KLF12: variants seen among roughly 807,000 people sequenced by gnomAD.
KLF12 encodes the protein KLF transcription factor 12, also known as Krueppel-like factor 12.
Under a neutral mutation model 37.8 loss-of-function variants are expected in KLF12, and 9 were observed. The ratio of observed to expected loss-of-function variants is 0.24; its 90% CI spans 0.14 to 0.42. KLF12 has a LOEUF of 0.42. Ranked by LOEUF, KLF12 falls within the 10% of genes least tolerant of loss-of-function variation. KLF12 has a pLI of 1.00. For synonymous variants in KLF12, 208 were observed against 202.1 expected, an observed-to-expected ratio of 1.03 and a Z score of -0.25; for missense variants, 411 against 516.0, an observed-to-expected ratio of 0.80 and a Z score of 1.97.
chr13:74,004,166 G>C (rs535723240), intron 1 of KLF12, among the ~76,000 whole-genome samples: 76 of 152,228 alleles, frequency 5.0e-4, no homozygotes, highest in African/African-American at 1.8e-3. Context: ...AACACATCTT[G>C]TGAGATACAG....
chr13:73,697,556 C>G (rs553008199), intron 7 of KLF12, among the ~76,000 whole-genome samples: 1 of 152,166 alleles, frequency 6.6e-6, no homozygotes, highest in Admixed American at 6.5e-5. Flanking sequence ...ATAGTATTAT[C>G]TACATGCTTT....
intron 1 of KLF12, among the ~76,000 whole-genome samples, chr13:74,107,217 C>T (rs1192630975): frequency 6.6e-6 from 1 of 152,190 alleles, no homozygotes; most frequent in African/African-American, 2.4e-5. Flanking sequence ...CTTTTTAATA[C>T]TATTGCATTG....
intron 3 of KLF12, among the ~76,000 whole-genome samples, chr13:73,880,064 G>A (rs572589550): frequency 3.3e-5 from 5 of 152,200 alleles, no homozygotes; most frequent in Admixed American, 6.5e-5. Context: ...CCTCTGCCTG[G>A]ATAATCCCAC....
intron 1 of KLF12, among the ~76,000 whole-genome samples, chr13:74,058,460 G>C (rs867250491): frequency 7.0e-6 from 1 of 142,148 alleles, no homozygotes; most frequent in Admixed American, 7.4e-5. Context: ...GGTTCACGCC[G>C]TTCTCCTGCC....
intron 1 of KLF12, among the ~76,000 whole-genome samples, chr13:74,058,180 T>C (rs1873358292): frequency 6.6e-6 from 1 of 151,650 alleles, no homozygotes; most frequent in African/African-American, 2.4e-5. Flanking sequence ...TTGGCCAGGC[T>C]GGTCTCAAAC....
At position 73,691,458 on chromosome 13, in the gene KLF12, T is replaced by A. The variant is rs919947404; in HGVS notation, c.*4032A>T. 6.5e-6 allele frequency: 1 copy of A among 152,786 alleles called. No homozygotes were observed. The highest frequency in any genetic ancestry group is 3.4e-3 in the Middle Eastern group (1 of 294). 9.5% of individuals were successfully genotyped at this position (152,786 alleles called of 1,614,324 possible). A position where few individuals can be genotyped will look rare whatever the true frequency, so the allele number is the denominator to read the frequency against. ...CAAAATCTGAGACTGGATTATGAAC[T>A]ATGAATATTAAGGCTTTCTGGGCCT... On this transcript the variant is annotated 3_prime_UTR_variant, in exon 8 of 8. Coordinates refer to ENST00000377669, the MANE Select transcript of KLF12 (RefSeq NM_007249.5).
intron 5 of KLF12, among the ~76,000 whole-genome samples, chr13:73,809,751 A>G (rs2875667): frequency 0.34 from 51,308 of 151,976 alleles, 9,060 homozygotes; most frequent in East Asian, 0.64. Flanking sequence ...ATGCACATTC[A>G]GTCTTGAATG....
chr13:73,744,520 G>A (rs537581306), intron 6 of KLF12, among the ~76,000 whole-genome samples: 52 of 151,796 alleles, frequency 3.4e-4, no homozygotes, highest in Admixed American at 1.2e-3. Context: ...TGGGGCCTGT[G>A]TGATGGACAT....
At chr13:73,886,775 T>C (rs1222597796) in intron 3 of KLF12, among the ~76,000 whole-genome samples, 4 of 152,132 alleles carry the variant, frequency 2.6e-5, no homozygotes, top group African/African-American at 9.7e-5. Context: ...GCGGATCACC[T>C]GAGGTCCGGA....
In KLF12 at chr13:73,691,965, T is replaced by A. The variant is rs1410292456; in HGVS notation, c.*3525A>T. On this transcript the variant is annotated 3_prime_UTR_variant, in exon 8 of 8. Coordinates refer to ENST00000377669, the MANE Select transcript of KLF12 (RefSeq NM_007249.5). Reference sequence around the variant, plus strand: ...AAACACTGTAGCATTTTGTAAGTTTTTCCCCTGACAATCATCTTCCTTTTT... The same window carrying A: ...AAACACTGTAGCATTTTGTAAGTTTATCCCCTGACAATCATCTTCCTTTTT... 1.3e-5 allele frequency: 2 copies of A among 152,666 alleles called. No individual in the cohort carries two copies. The highest frequency in any genetic ancestry group is 4.8e-5 in the African/African-American group (2 of 41,470). The allele number at this position is 152,666 out of a possible 1,614,324, so 9.5% of individuals were successfully genotyped here.
At chr13:73,974,188 T>C (rs1891433168) in intron 2 of KLF12, among the ~76,000 whole-genome samples, 1 of 151,340 alleles carries the variant, frequency 6.6e-6, no homozygotes, top group African/African-American at 2.4e-5. Context: ...ATATTTCAAG[T>C]AAAAATAGTA....
chr13:73,706,819 G>C (rs1874987436), intron 7 of KLF12, among the ~76,000 whole-genome samples: 1 of 152,162 alleles, frequency 6.6e-6, no homozygotes, highest in African/African-American at 2.4e-5. Flanking sequence ...GTCTTCATTT[G>C]TACACAGCAC....
At chr13:74,029,974 T>C (rs545563306) in intron 1 of KLF12, among the ~76,000 whole-genome samples, 41 of 152,074 alleles carry the variant, frequency 2.7e-4, no homozygotes, top group Non-Finnish European at 5.0e-4. Flanking sequence ...CTAAATTACT[T>C]AAAGTTCTGT....
intron 3 of KLF12, among the ~76,000 whole-genome samples, chr13:73,927,264 C>A (rs1266284816): frequency 6.6e-5 from 10 of 152,158 alleles, no homozygotes; most frequent in Admixed American, 6.6e-4. Flanking sequence ...GGCTTCTCCC[C>A]TTGATCACTC....
Position 73,693,606 on chromosome 13 carries a change from A to T in KLF12, c.*1884T>A, listed in dbSNP as rs1019075790. On this transcript the variant is annotated 3_prime_UTR_variant, in exon 8 of 8. Coordinates refer to ENST00000377669, the MANE Select transcript of KLF12 (RefSeq NM_007249.5). ...TCATCAGAATAAGATTATCTGAATT[A>T]GAAGATGATCCTAAAAAGGGTAATT... The T allele has an allele frequency of 1.3e-5, 2 of 152,602 alleles. No individual in the cohort carries two copies. Among genetic ancestry groups the T allele is most frequent in the Admixed American group, 6.5e-5 (1 of 15,282 alleles). 9.5% of individuals were successfully genotyped at this position (152,602 alleles called of 1,614,324 possible).
At chr13:74,220,063 G>A in the KLF12 span, among the ~76,000 whole-genome samples, 13 of 152,056 alleles carry the variant, frequency 8.5e-5, no homozygotes, top group East Asian at 1.7e-3. Context: ...GAAACTTCTT[G>A]CATAACTTCC....
At chr13:73,981,573 G>C (rs545989724) in intron 2 of KLF12, among the ~76,000 whole-genome samples, 1 of 152,182 alleles carries the variant, frequency 6.6e-6, no homozygotes, top group African/African-American at 2.4e-5. Context: ...ATGATACATA[G>C]TTTGAACATG....
At chr13:73,847,335 G>A (rs75781858) in intron 3 of KLF12, among the ~76,000 whole-genome samples, 9,084 of 151,966 alleles carry the variant, frequency 0.06, 319 homozygotes, top group African/African-American at 0.088. Context: ...CATTTATGAG[G>A]AACAAAAACT....
chr13:74,222,717 A>G, the KLF12 span, among the ~76,000 whole-genome samples: 1 of 152,200 alleles, frequency 6.6e-6, no homozygotes, highest in African/African-American at 2.4e-5. Flanking sequence ...TAGTTAATTT[A>G]ATAGCCTAAA....
Sources: gnomAD v4.1 joint callset for allele counts (sites outside exome capture counted in the v4.1 genomes callset) on GRCh38, gnomAD v4.1.1 for gene constraint, MANE v1.5 for transcripts, NCBI Gene and HGNC (gene_info 2026-07-23, HGNC 2026-07-21) for gene names.